Variants in NDRG1 observed in about 807,000 individuals in gnomAD.
NDRG1 encodes the protein N-myc downstream regulated 1, also known as protein NDRG1.
NDRG1 carries 32 observed loss-of-function variants against 56.9 expected under a neutral mutation model. The ratio of observed to expected loss-of-function variants is 0.56; its 90% CI spans 0.42 to 0.76. NDRG1 has a LOEUF of 0.76. Ranked by LOEUF, NDRG1 falls within the 30% of genes least tolerant of loss-of-function variation. NDRG1 has a pLI of 0.00. For missense variants in NDRG1, 507 were observed against 545.7 expected, an observed-to-expected ratio of 0.93 and a Z score of 0.71; for synonymous variants, 211 against 204.1, an observed-to-expected ratio of 1.03 and a Z score of -0.29.
rs769894179 is a variant in NDRG1 at position 133,254,588 on chromosome 8, C to T, written c.545G>A (p.Gly182Glu). Residue 182 changes from glycine (G) to glutamate (E), a missense_variant, in exon 9 of 16, where the codon GGA (glycine) becomes GAA (glutamate). By Grantham distance (98) the Gly-to-Glu change is moderately conservative. Transcript: ENST00000323851. Reference sequence around the variant, plus strand: ...CATGTCCGGCAGAGCTTGGGTCCATCCTGAGATCTGGAAAGGAGTAAAGTG... The same window carrying T: ...CATGTCCGGCAGAGCTTGGGTCCATTCTGAGATCTGGAAAGGAGTAAAGTG... The part of the protein sequence containing the change: ...WMDWAASKIS[G>E]WTQALPDMVV... 6.2e-7 allele frequency: 1 copy of T among 1,613,924 alleles called. No individual in the cohort carries two copies. The highest frequency in any genetic ancestry group is 1.3e-5 in the African/African-American group (1 of 74,912).
At chr8:133,251,974 G>A (rs796541955) in intron 9 of NDRG1, among the ~76,000 whole-genome samples, 3 of 152,336 alleles carry the variant, frequency 2.0e-5, no homozygotes, top group African/African-American at 7.2e-5. Flanking sequence ...TGCCGACAGC[G>A]ACCTGGAGCA....
chr8:133,295,873 G>C (rs1184034375), intron 1 of NDRG1, among the ~76,000 whole-genome samples: 1 of 152,084 alleles, frequency 6.6e-6, no homozygotes, highest in Non-Finnish European at 1.5e-5. Context: ...TGCCCCCAGC[G>C]TCCGTGAGGA....
Position 133,239,040 on chromosome 8 carries a change from G to A in NDRG1, c.1023C>T (p.Arg341=). The part of the protein sequence containing the change: ...GSSVTSLDGT[R]SRSHTSEGTR... Reference sequence around the variant, plus strand: ...TGCCCTCGCTGGTGTGGGAGCGGCTGCGGGTGCCATCCAGAGAAGTGACGC... The same window carrying A: ...TGCCCTCGCTGGTGTGGGAGCGGCTACGGGTGCCATCCAGAGAAGTGACGC... Residue 341 remains arginine (R), a synonymous_variant, in exon 16 of 16, where the codon CGC becomes CGT. Transcript: ENST00000323851. 2 of 1,596,332 alleles carry A rather than the reference G, an allele frequency of 1.3e-6. No individual in the cohort carries two copies. Among genetic ancestry groups the A allele is most frequent in the Non-Finnish European group, 1.7e-6 (2 of 1,173,084 alleles).
intron 3 of NDRG1, among the ~76,000 whole-genome samples, chr8:133,272,605 G>T (rs1368931250): frequency 6.6e-6 from 1 of 152,220 alleles, no homozygotes; most frequent in Non-Finnish European, 1.5e-5. Flanking sequence ...TCGGAGGCCT[G>T]GGTATGAGCC....
At chr8:133,251,738 A>G (rs1037906965) in intron 9 of NDRG1, among the ~76,000 whole-genome samples, 1 of 152,242 alleles carries the variant, frequency 6.6e-6, no homozygotes, top group African/African-American at 2.4e-5. Context: ...TCCATGTCAA[A>G]TCTCTTGAAC....
intron 3 of NDRG1, among the ~76,000 whole-genome samples, chr8:133,274,624 T>C (rs536669241): frequency 3.9e-5 from 6 of 152,320 alleles, no homozygotes; most frequent in African/African-American, 1.2e-4. Flanking sequence ...CAACAACTCA[T>C]TGTCAGTAGG....
chr8:133,259,249 A>C lies in NDRG1; in HGVS notation c.327-19T>G, dbSNP rs748694513. 4 of 1,613,516 alleles carry C rather than the reference A, an allele frequency of 2.5e-6. No homozygotes were observed. In the Admixed American group the frequency reaches 5.0e-5, roughly 20 times the overall value. On this transcript the variant is annotated intron_variant, in intron 5 of 15. Coordinates refer to ENST00000323851, the MANE Select transcript of NDRG1 (RefSeq NM_006096.4). ...CATGTACCTGGGGATGACACAGAGA[A>C]GCCATTAGTGAGCGCCCGGACAGAA...
intron 9 of NDRG1, 62 bp downstream of exon 9, chr8:133,254,477 C>G: frequency 6.3e-7 from 1 of 1,585,904 alleles, no homozygotes; most frequent in Non-Finnish European, 8.7e-7. Flanking sequence ...GGGCCCTGTG[C>G]TGAGCACCAC....
Position 133,238,580 on chromosome 8 carries a change from T to G in NDRG1, c.*298A>C. 1 of 496,018 alleles carries G rather than the reference T, an allele frequency of 2.0e-6. No individual in the cohort carries two copies. The highest frequency in any genetic ancestry group is 3.3e-5 in the East Asian group (1 of 30,320). 30.7% of individuals were successfully genotyped at this position (496,018 alleles called of 1,614,324 possible). ...AGTGTGTGCTGCTACGCGTCTTGTT[T>G]TTGGCAGTTTGGTGTCTCTGAGGGA... is the stretch of plus-strand genomic sequence containing the variant. On this transcript the variant is annotated 3_prime_UTR_variant, in exon 16 of 16. Transcript: ENST00000323851.
chr8:133,257,452 A>G (rs1203620006), intron 7 of NDRG1, among the ~76,000 whole-genome samples: 1 of 152,166 alleles, frequency 6.6e-6, no homozygotes, highest in Admixed American at 6.5e-5. Context: ...TCTACAACTC[A>G]CCAAGGCTGT....
intron 5 of NDRG1, among the ~76,000 whole-genome samples, chr8:133,260,669 T>C (rs182161864): frequency 2.6e-5 from 4 of 152,370 alleles, no homozygotes; most frequent in African/African-American, 9.6e-5. Context: ...CCCACTGTTT[T>C]AATACACTTT....
At chr8:133,293,299 G>A (rs565383208) in intron 1 of NDRG1, among the ~76,000 whole-genome samples, 82 of 152,292 alleles carry the variant, frequency 5.4e-4, no homozygotes, top group Admixed American at 1.6e-3. Context: ...CCATCACACA[G>A]CCATCAAGGG....
rs190713251 is a variant in NDRG1 at position 133,287,841 on chromosome 8, C to G, written c.-18-3512G>C. Among the ~76,000 whole-genome samples the G allele has an allele frequency of 5.9e-5, 9 of 152,348 alleles. No homozygotes were observed. In the East Asian group the frequency reaches 1.7e-3, roughly 29 times the overall value. ...AAATGTCCCCTGGTGCGACATCCAC[C>G]CTCCTCTGGAATAGCTGATTTTAGT... On this transcript the variant is annotated intron_variant, in intron 1 of 15. Coordinates refer to ENST00000323851, the MANE Select transcript of NDRG1 (RefSeq NM_006096.4).
At chr8:133,282,426 G>C (rs538500612) in intron 2 of NDRG1, among the ~76,000 whole-genome samples, 2 of 152,342 alleles carry the variant, frequency 1.3e-5, no homozygotes, top group African/African-American at 4.8e-5. Flanking sequence ...AAAGCAAGTG[G>C]ATTATGGACT....
chr8:133,293,983 G>C (rs1858584170), intron 1 of NDRG1, among the ~76,000 whole-genome samples: 1 of 152,182 alleles, frequency 6.6e-6, no homozygotes, highest in Non-Finnish European at 1.5e-5. Context: ...TCTTCTGCGG[G>C]TGCTACTGAC....
chr8:133,255,455 T>C (rs746495948), intron 8 of NDRG1: 14 of 448,756 alleles, frequency 3.1e-5, no homozygotes, highest in Admixed American at 1.9e-4. Flanking sequence ...CTGAAGGGAA[T>C]AGTACAGCTA....
intron 9 of NDRG1, among the ~76,000 whole-genome samples, chr8:133,252,727 G>A (rs995385254): frequency 1.1e-4 from 16 of 150,902 alleles, no homozygotes; most frequent in South Asian, 4.2e-4. Flanking sequence ...TCGTACACTC[G>A]CCAGCTCCAG....
At chr8:133,277,062 C>G (rs540891397) in intron 3 of NDRG1, among the ~76,000 whole-genome samples, 2 of 152,228 alleles carry the variant, frequency 1.3e-5, no homozygotes, top group Admixed American at 1.3e-4. Flanking sequence ...ACGATGCTAA[C>G]TTATACCAGC....
At chr8:133,282,915 T>C (rs1857894299) in intron 2 of NDRG1, among the ~76,000 whole-genome samples, 1 of 152,258 alleles carries the variant, frequency 6.6e-6, no homozygotes, top group Non-Finnish European at 1.5e-5. Context: ...GCTATCTGGA[T>C]GAACTTGACC....
Sources: allele counts gnomAD v4.1 joint callset (sites outside exome capture counted in the v4.1 genomes callset), GRCh38; gene constraint gnomAD v4.1.1; transcripts MANE v1.5; gene names NCBI Gene and HGNC (gene_info 2026-07-23, HGNC 2026-07-21).